SYNE2: variants seen among roughly 807,000 people sequenced by gnomAD.
SYNE2 encodes the protein spectrin repeat containing nuclear envelope protein 2.
In SYNE2, 431 loss-of-function variants were observed where a neutral mutation model predicts 856.3. That is an observed-to-expected ratio of 0.50 (90% confidence interval 0.47 to 0.55). The LOEUF (loss-of-function observed/expected upper bound fraction) is 0.55. Ranked by LOEUF, SYNE2 falls within the 20% of genes least tolerant of loss-of-function variation. SYNE2 has a pLI of 0.00. For missense variants in SYNE2, 8,129 were observed against 8,023.2 expected (o/e 1.01, Z -0.50); for synonymous variants, 2,923 against 2,872.3 (o/e 1.02, Z -0.56).
At chr14:63,912,071 A>G (rs2095479897) in intron 2 of SYNE2, among the ~76,000 whole-genome samples, 1 of 152,216 alleles carries the variant, frequency 6.6e-6, no homozygotes, top group South Asian at 2.1e-4. Context: ...TATAATGTCA[A>G]GGTGACGCTG....
intron 78 of SYNE2, among the ~76,000 whole-genome samples, chr14:64,135,392 A>G (rs888933002): frequency 2.0e-5 from 3 of 151,524 alleles, no homozygotes; most frequent in African/African-American, 7.3e-5. Flanking sequence ...GGGACACTGT[A>G]TTTATACTCC....
rs1251674488 is a variant in SYNE2, at chr14:64,017,606, G to A, written c.4899G>A (p.Lys1633=). The change falls in exon 34 of 116, where the codon AAG becomes AAA. Residue 1633 remains lysine (K), a synonymous_variant. Transcript: ENST00000555002. Reference sequence around the variant, plus strand: ...TTAAATTATGGTAGATAAATGAGAAGACAGAAGATTACTATGAAAATCTTG... The same window carrying A: ...TTAAATTATGGTAGATAAATGAGAAAACAGAAGATTACTATGAAAATCTTG... ...IVDRWLDINE[K]TEDYYENLGR... is the part of the protein sequence containing the mutation. The A allele has an allele frequency of 6.2e-7, 1 of 1,611,860 alleles. No homozygotes were observed. Among genetic ancestry groups the A allele is most frequent in the Non-Finnish European group, 8.5e-7 (1 of 1,178,786 alleles).
chr14:63,964,962 CTTTTTTT>C (rs750645462), intron 10 of SYNE2, among the ~76,000 whole-genome samples: 16 of 131,010 alleles, frequency 1.2e-4, no homozygotes, highest in Admixed American at 5.5e-4. Context: ...TTGAACATTT[CTTTTTTT>C]TTTTTTTTTT....
intron 60 of SYNE2, among the ~76,000 whole-genome samples, chr14:64,091,799 C>T (rs555317064): frequency 3.9e-5 from 6 of 152,284 alleles, no homozygotes; most frequent in South Asian, 4.1e-4. Flanking sequence ...GACTTCCAAC[C>T]GTCTCCGTCA....
intron 65 of SYNE2, 137 bp downstream of exon 65, chr14:64,107,744 G>C: frequency 2.6e-6 from 2 of 778,442 alleles, no homozygotes; most frequent in Admixed American, 3.7e-5. Flanking sequence ...GAAGATATGT[G>C]CTGTCAAGCT....
chr14:64,152,646 T>C lies in SYNE2; in HGVS notation c.15722T>C (p.Val5241Ala). Reference sequence around the variant, plus strand: ...TATCTGACTTTGGAGAGTGGGGCAGTGCCATTGTTAGAAGATACAGCATCC... The same window carrying C: ...TATCTGACTTTGGAGAGTGGGGCAGCGCCATTGTTAGAAGATACAGCATCC... Reference protein sequence around the residue: ...QSYLTLESGAVPLLEDTASRI... With the variant: ...QSYLTLESGAAPLLEDTASRI... The change falls in exon 85 of 116, where the codon GTG (valine) becomes GCG (alanine). Residue 5241 changes from valine (V) to alanine (A), a missense_variant. Around this residue, in one of 3 missense-constraint regions of SYNE2, gnomAD observed 5,410 missense variants for 5,284.8 expected, o/e 1.02. Coordinates refer to ENST00000555002, the MANE Select transcript of SYNE2 (RefSeq NM_182914.3). The C allele has an allele frequency of 6.2e-7, 1 of 1,614,110 alleles. No individual in the cohort carries two copies. The highest frequency in any genetic ancestry group is 8.5e-7 in the Non-Finnish European group (1 of 1,179,998).
intron 99 of SYNE2, 38 bp from the exon 100 acceptor site, chr14:64,202,763 T>C (rs761231443): frequency 6.2e-7 from 1 of 1,613,870 alleles, no homozygotes; most frequent in Non-Finnish European, 8.5e-7. Flanking sequence ...TCACTGGTTT[T>C]TTTTTGTTTC....
At chr14:63,827,082 A>C (rs1468376606) in intron 1 of SYNE2, among the ~76,000 whole-genome samples, 1 of 151,380 alleles carries the variant, frequency 6.6e-6, no homozygotes. Context: ...GTTTGAGACT[A>C]GCCAGGCCAA....
intron 1 of SYNE2, among the ~76,000 whole-genome samples, chr14:63,868,685 G>T (rs998468261): frequency 3.3e-5 from 5 of 152,098 alleles, no homozygotes; most frequent in Non-Finnish European, 7.3e-5. Flanking sequence ...AATGGAAAAT[G>T]AAAGTAATAT....
At chr14:63,822,360 T>C (rs2139867420) in intron 1 of SYNE2, among the ~76,000 whole-genome samples, 1 of 152,338 alleles carries the variant, frequency 6.6e-6, no homozygotes, top group East Asian at 1.9e-4. Flanking sequence ...ATTGTCACTA[T>C]TTAACCTGTG....
At chr14:63,772,686 G>A (rs2139710180) in intron 1 of SYNE2, among the ~76,000 whole-genome samples, 1 of 148,878 alleles carries the variant, frequency 6.7e-6, no homozygotes, top group East Asian at 2.1e-4. Flanking sequence ...GAGGTTTCAG[G>A]GAGCCGAGAC....
At chr14:63,953,103 C>G (rs1285559982) in intron 7 of SYNE2, among the ~76,000 whole-genome samples, 2 of 152,166 alleles carry the variant, frequency 1.3e-5, no homozygotes, top group Non-Finnish European at 2.9e-5. Context: ...AAGGGCAAAG[C>G]CCTTGCTCTC....
chr14:64,054,052 C>T (rs955158003), intron 48 of SYNE2, among the ~76,000 whole-genome samples: 5 of 152,150 alleles, frequency 3.3e-5, no homozygotes, highest in African/African-American at 9.7e-5. Flanking sequence ...TTGCTAATGT[C>T]TGTAATTCCA....
chr14:63,974,886 G>GTATATATATATATA lies in SYNE2; in HGVS notation c.1129-1676_1129-1675insATATATATATATAT, dbSNP rs1315971121. 2.7e-3 allele frequency among the ~76,000 whole-genome samples: 71 copies of GTATATATATATATA among 26,214 alleles called. 2 individuals carry two copies. Among genetic ancestry groups the GTATATATATATATA allele is most frequent in the South Asian group, 5.1e-3 (2 of 392 alleles). 17.2% of individuals were successfully genotyped at this position (26,214 alleles called of 152,430 possible). ...TGTGTGTGTGTGTGTGTGTGTGTGT[G>GTATATATATATATA]TGTGTGTATATATATATATATATAT... On this transcript the variant is annotated intron_variant, in intron 11 of 115. Coordinates refer to ENST00000555002, the MANE Select transcript of SYNE2 (RefSeq NM_182914.3).
chr14:64,128,584 TA>T, intron 74 of SYNE2, 31 bp downstream of exon 74: 3 of 1,389,518 alleles, frequency 2.2e-6, no homozygotes, highest in African/African-American at 1.4e-5. Context: ...CAGACTGACT[TA>T]ACTTTGAACC....
chr14:63,899,343 A>G (rs778144231), intron 1 of SYNE2, among the ~76,000 whole-genome samples: 12 of 152,246 alleles, frequency 7.9e-5, no homozygotes, highest in Middle Eastern at 3.4e-3. Context: ...CTGGGACTAT[A>G]GGCGCCTGCC....
Position 64,125,220 on chromosome 14 carries a change from G to T in SYNE2, c.13554+10G>T. On this transcript the variant is annotated intron_variant, in intron 71 of 115. Coordinates refer to ENST00000555002, the MANE Select transcript of SYNE2 (RefSeq NM_182914.3). ...TAACCTTCAGACACAGGTAGAAGCT[G>T]CACACAATGTGTTTTCCTCATTGTA... 6.2e-7 allele frequency: 1 copy of T among 1,613,940 alleles called. No individual in the cohort carries two copies. Among genetic ancestry groups the T allele is most frequent in the African/African-American group, 1.3e-5 (1 of 75,022 alleles).
At chr14:64,104,447 T>C (rs959281904) in intron 64 of SYNE2, among the ~76,000 whole-genome samples, 2 of 66,002 alleles carry the variant, frequency 3.0e-5, no homozygotes, top group Non-Finnish European at 4.7e-5. Context: ...CTGTTTTCTC[T>C]TTTTTTTTTT....
At chr14:63,814,651 A>G (rs968966143) in intron 1 of SYNE2, among the ~76,000 whole-genome samples, 1 of 107,100 alleles carries the variant, frequency 9.3e-6, no homozygotes, top group African/African-American at 3.4e-5. Context: ...TATATTATAT[A>G]TAATCCTTAT....
Sources: gnomAD v4.1 joint callset for allele counts (sites outside exome capture counted in the v4.1 genomes callset) on GRCh38, gnomAD v4.1.1 for gene constraint, gnomAD v4.1.1 regional missense constraint, MANE v1.5 for transcripts, NCBI Gene and HGNC (gene_info 2026-07-23, HGNC 2026-07-21) for gene names.